RNF220: variants seen among roughly 807,000 people sequenced by gnomAD.
RNF220 encodes the protein ring finger protein 220, also known as E3 ubiquitin-protein ligase RNF220.
In RNF220, 7 loss-of-function variants were observed where a neutral mutation model predicts 67.1. That is an observed-to-expected ratio of 0.10 (90% confidence interval 0.06 to 0.20). RNF220 has a LOEUF of 0.20. Among genes scored for constraint, RNF220 ranks in the 10% least tolerant of loss-of-function variants. The pLI, the probability that RNF220 is intolerant of heterozygous loss-of-function variation, is 1.00. For synonymous variants in RNF220, 270 were observed against 283.2 expected (o/e 0.95, Z 0.47); for missense variants, 565 against 740.3 (o/e 0.76, Z 2.75).
intron 2 of RNF220, among the ~76,000 whole-genome samples, chr1:44,523,883 G>A (rs1255200219): frequency 6.6e-6 from 1 of 152,224 alleles, no homozygotes. Context: ...CTGCTCGCCA[G>A]TGACCTCTGG....
chr1:44,549,662 C>A (rs1490568767), intron 2 of RNF220, among the ~76,000 whole-genome samples: 2 of 152,116 alleles, frequency 1.3e-5, no homozygotes, highest in East Asian at 3.9e-4. Context: ...TGCTTCTTAA[C>A]TGGGGGACTC....
At chr1:44,633,209 G>A (rs1377990670) in intron 6 of RNF220, among the ~76,000 whole-genome samples, 1 of 152,192 alleles carries the variant, frequency 6.6e-6, no homozygotes, top group African/African-American at 2.4e-5. Context: ...ATGGGCTGGC[G>A]CCATGTTAAG....
intron 2 of RNF220, among the ~76,000 whole-genome samples, chr1:44,548,374 G>C (rs931939141): frequency 2.0e-5 from 3 of 152,242 alleles, no homozygotes; most frequent in Admixed American, 1.3e-4. Flanking sequence ...GATTACATCA[G>C]AGCTCTCTAA....
At chr1:44,647,397 A>G (rs1034640602) in intron 12 of RNF220, among the ~76,000 whole-genome samples, 22 of 152,292 alleles carry the variant, frequency 1.4e-4, no homozygotes, top group African/African-American at 5.3e-4. Flanking sequence ...CATTGTGCAA[A>G]ATGCCAGGGA....
At chr1:44,423,955 G>T in intron 2 of RNF220, 1 of 985,388 alleles carries the variant, frequency 1.0e-6, no homozygotes, top group Non-Finnish European at 1.2e-6. Context: ...CTTCCAGGCG[G>T]GGCCTCTGTA....
chr1:44,445,960 A>G (rs16831963), intron 2 of RNF220, among the ~76,000 whole-genome samples: 5,074 of 152,278 alleles, frequency 0.033, 288 homozygotes, highest in African/African-American at 0.12. Context: ...TATTAATGTT[A>G]TTACTGGTAT....
chr1:44,472,864 C>T (rs753760695), intron 2 of RNF220, among the ~76,000 whole-genome samples: 5 of 152,176 alleles, frequency 3.3e-5, no homozygotes, highest in Admixed American at 1.3e-4. Flanking sequence ...GGGATGGGTG[C>T]GCGTGCCTGT....
chr1:44,556,705 G>A (rs1277953430), intron 2 of RNF220, among the ~76,000 whole-genome samples: 1 of 151,948 alleles, frequency 6.6e-6, no homozygotes, highest in African/African-American at 2.4e-5. Flanking sequence ...GACTACAGGC[G>A]CCTGCACCAC....
intron 2 of RNF220, among the ~76,000 whole-genome samples, chr1:44,501,787 T>C (rs1657913236): frequency 6.6e-6 from 1 of 152,102 alleles, no homozygotes; most frequent in Non-Finnish European, 1.5e-5. Context: ...GCTGGGTGGC[T>C]TGGGACCTCT....
At chr1:44,643,132 C>G (rs1644534993) in intron 8 of RNF220, 1 of 152,354 alleles carries the variant, frequency 6.6e-6, no homozygotes, top group Non-Finnish European at 1.5e-5. Context: ...TGAGGACTGT[C>G]AGGGAGAGGT....
At chr1:44,436,887 A>G (rs1651028956) in intron 2 of RNF220, among the ~76,000 whole-genome samples, 1 of 152,146 alleles carries the variant, frequency 6.6e-6, no homozygotes, top group African/African-American at 2.4e-5. Context: ...AGCTGACCTT[A>G]TTTGTTATGA....
intron 2 of RNF220, among the ~76,000 whole-genome samples, chr1:44,416,918 T>C: frequency 6.6e-6 from 1 of 152,148 alleles, no homozygotes. Context: ...AAGGCATGTA[T>C]CATTGAAGAC....
intron 2 of RNF220, among the ~76,000 whole-genome samples, chr1:44,415,659 C>T (rs2147816124): frequency 6.7e-6 from 1 of 149,470 alleles, no homozygotes; most frequent in Admixed American, 6.7e-5. Flanking sequence ...GTGCAGCAGT[C>T]AAACTCCGAA....
intron 2 of RNF220, chr1:44,419,683 A>G (rs1648996256): frequency 3.3e-5 from 5 of 152,206 alleles, no homozygotes; most frequent in Admixed American, 3.3e-4. Context: ...CTGTAAGACT[A>G]TGTATGCTAT....
At chr1:44,532,469 T>A (rs1370847614) in intron 2 of RNF220, among the ~76,000 whole-genome samples, 1 of 152,256 alleles carries the variant, frequency 6.6e-6, no homozygotes, top group Admixed American at 6.5e-5. Context: ...TATTTTGGCA[T>A]CTTTTATCAC....
chr1:44,527,902 G>A (rs1299099180), intron 2 of RNF220, among the ~76,000 whole-genome samples: 11 of 109,490 alleles, frequency 1.0e-4, no homozygotes, highest in Non-Finnish European at 1.2e-4. Context: ...CTCCAGCCTG[G>A]GTGACAGAGC....
At chr1:44,566,483 A>C (rs1475729933) in intron 2 of RNF220, among the ~76,000 whole-genome samples, 1 of 146,190 alleles carries the variant, frequency 6.8e-6, no homozygotes, top group Non-Finnish European at 1.6e-5. Context: ...GGGGGTCTCC[A>C]TCCTGGCTGT....
intron 5 of RNF220, among the ~76,000 whole-genome samples, chr1:44,630,541 T>TTA (rs1644086426): frequency 6.6e-6 from 1 of 152,226 alleles, no homozygotes; most frequent in Non-Finnish European, 1.5e-5. Context: ...GCTGGGTAAA[T>TTA]GGCTAGAGAT....
chr1:44,510,673 T>C (rs149981345), intron 2 of RNF220, among the ~76,000 whole-genome samples: 1 of 152,340 alleles, frequency 6.6e-6, no homozygotes, highest in East Asian at 1.9e-4. Flanking sequence ...TTCCGGGATG[T>C]AACGTATCAT....
Sources: allele counts gnomAD v4.1 joint callset (sites outside exome capture counted in the v4.1 genomes callset), GRCh38; gene constraint gnomAD v4.1.1; transcripts MANE v1.5; gene names NCBI Gene and HGNC (gene_info 2026-07-23, HGNC 2026-07-21).